THSD4: variants seen among roughly 807,000 people sequenced by gnomAD.
THSD4 encodes thrombospondin type 1 domain containing 4.
In THSD4, 69 loss-of-function variants were observed where a neutral mutation model predicts 119.0. The observed-to-expected ratio is 0.58, with a 90% CI of 0.48 to 0.71. The LOEUF is 0.71. THSD4 is among the 30% of genes least tolerant of loss of function. The probability of loss-of-function intolerance (pLI) is 0.00; values close to 1 mark genes in which losing one functional copy is unlikely to be tolerated. For missense variants in THSD4, 1,393 were observed against 1,391.1 expected (o/e 1.00, Z -0.02); for synonymous variants, 524 against 540.4 (o/e 0.97, Z 0.42).
At chr15:71,448,362 T>C (rs984212289) in intron 7 of THSD4, among the ~76,000 whole-genome samples, 1 of 152,206 alleles carries the variant, frequency 6.6e-6, no homozygotes, top group Non-Finnish European at 1.5e-5. Flanking sequence ...CAACCGGTCC[T>C]TATCTCAAGT....
chr15:71,522,393 G>T (rs1252984592), intron 7 of THSD4, among the ~76,000 whole-genome samples: 1 of 152,172 alleles, frequency 6.6e-6, no homozygotes, highest in Non-Finnish European at 1.5e-5. Context: ...TGCCTCCCCA[G>T]TCCAGGGCAT....
intron 7 of THSD4, among the ~76,000 whole-genome samples, chr15:71,436,795 G>T (rs966084470): frequency 3.3e-5 from 5 of 152,190 alleles, no homozygotes; most frequent in Non-Finnish European, 5.9e-5. Context: ...AAGGCAATTG[G>T]AGATGAGGGA....
intron 7 of THSD4, among the ~76,000 whole-genome samples, chr15:71,508,618 C>T (rs1373418571): frequency 2.0e-5 from 3 of 152,164 alleles, no homozygotes; most frequent in Non-Finnish European, 4.4e-5. Context: ...CTCAGTTCCT[C>T]ATCTGCAAAG....
intron 6 of THSD4, among the ~76,000 whole-genome samples, chr15:71,276,281 TG>T (rs1381541286): frequency 6.6e-6 from 1 of 152,258 alleles, no homozygotes; most frequent in African/African-American, 2.4e-5. Flanking sequence ...CAACATCCAG[TG>T]TACCTCTTCG....
chr15:71,316,858 A>T (rs1234392723), intron 6 of THSD4, among the ~76,000 whole-genome samples: 1 of 152,190 alleles, frequency 6.6e-6, no homozygotes, highest in East Asian at 1.9e-4. Context: ...GAAAATACCA[A>T]AGTATTATAC....
intron 7 of THSD4, among the ~76,000 whole-genome samples, chr15:71,475,282 C>T (rs760688906): frequency 4.6e-5 from 7 of 152,174 alleles, no homozygotes; most frequent in Non-Finnish European, 8.8e-5. Context: ...GGAATAAATT[C>T]CTTTAAATAG....
At chr15:71,297,025 T>C (rs2044871862) in intron 6 of THSD4, among the ~76,000 whole-genome samples, 1 of 152,232 alleles carries the variant, frequency 6.6e-6, no homozygotes, top group South Asian at 2.1e-4. Flanking sequence ...TCCATTATTA[T>C]ACATCTTTTC....
intron 8 of THSD4, among the ~76,000 whole-genome samples, chr15:71,672,177 A>C (rs1465477863): frequency 6.6e-6 from 1 of 152,162 alleles, no homozygotes; most frequent in South Asian, 2.1e-4. Context: ...AGTGGTTTGT[A>C]GTTCTTCTTG....
chr15:71,634,614 G>T (rs1380828166), intron 7 of THSD4, among the ~76,000 whole-genome samples: 2 of 152,332 alleles, frequency 1.3e-5, no homozygotes, highest in African/African-American at 4.8e-5. Flanking sequence ...TGAACAGAGA[G>T]CAGTGGCTGG....
chr15:71,336,778 C>G (rs2045494345), intron 6 of THSD4, among the ~76,000 whole-genome samples: 1 of 152,226 alleles, frequency 6.6e-6, no homozygotes, highest in African/African-American at 2.4e-5. Context: ...TAACCCCAAT[C>G]TAATTTTTCT....
At chr15:71,562,724 C>T (rs1408456526) in intron 7 of THSD4, among the ~76,000 whole-genome samples, 2 of 119,084 alleles carry the variant, frequency 1.7e-5, no homozygotes, top group African/African-American at 2.9e-5. Flanking sequence ...TTTTCTGAAA[C>T]GGAGTTTGGC....
intron 6 of THSD4, among the ~76,000 whole-genome samples, chr15:71,384,474 A>G (rs1444027939): frequency 6.6e-6 from 1 of 152,204 alleles, no homozygotes; most frequent in African/African-American, 2.4e-5. Context: ...ATCTGAAGGT[A>G]TACCTTTATA....
In THSD4 at chr15:71,215,322, C is replaced by T. The variant is rs2043923442; in HGVS notation, c.387C>T (p.Ala129=). 2 of 1,529,884 alleles carry T rather than the reference C, an allele frequency of 1.3e-6. No individual in the cohort carries two copies. The highest frequency in any genetic ancestry group is 1.2e-5 in the South Asian group (1 of 83,812). The allele number at this position is 1,529,884 out of a possible 1,614,324, so 94.8% of individuals were successfully genotyped here. The part of the protein sequence containing the change: ...DETPALAGTD[A]SRQGPTVLRG... ...CGCCAGCGCTGGCCGGTACGGACGCCAGCCGCCAGGGCCCCACGGTGCTGC... is the reference window on the plus strand; with the variant it reads ...CGCCAGCGCTGGCCGGTACGGACGCTAGCCGCCAGGGCCCCACGGTGCTGC... The change falls in exon 4 of 18, where the codon GCC becomes GCT. Residue 129 remains alanine (A), a synonymous_variant. Transcript: ENST00000261862.
At chr15:71,180,990 AG>A (rs2043517872) in intron 3 of THSD4, among the ~76,000 whole-genome samples, 1 of 152,232 alleles carries the variant, frequency 6.6e-6, no homozygotes, top group South Asian at 2.1e-4. Flanking sequence ...ATCAAATACC[AG>A]TACTGAAATG....
intron 7 of THSD4, among the ~76,000 whole-genome samples, chr15:71,603,651 T>G (rs1193465948): frequency 7.3e-6 from 1 of 137,060 alleles, no homozygotes; most frequent in Non-Finnish European, 1.6e-5. Flanking sequence ...GCCGATGGGA[T>G]TTTTGGTGCC....
intron 7 of THSD4, among the ~76,000 whole-genome samples, chr15:71,431,948 A>G (rs4267263): frequency 0.64 from 97,297 of 151,922 alleles, 31,519 homozygotes; most frequent in Middle Eastern, 0.77. Flanking sequence ...TCACAGAAAT[A>G]GGGTCATTCA....
intron 7 of THSD4, among the ~76,000 whole-genome samples, chr15:71,534,408 G>A (rs2048660137): frequency 6.6e-6 from 1 of 152,086 alleles, no homozygotes; most frequent in Non-Finnish European, 1.5e-5. Context: ...GTGTATCTTT[G>A]GTTACTATTA....
chr15:71,609,764 A>G (rs1026638303), intron 7 of THSD4, among the ~76,000 whole-genome samples: 3 of 149,990 alleles, frequency 2.0e-5, no homozygotes, highest in African/African-American at 4.9e-5. Context: ...AGGCAGGAGA[A>G]TGGCGTGAAC....
intron 7 of THSD4, among the ~76,000 whole-genome samples, chr15:71,650,727 C>T (rs932590056): frequency 2.8e-4 from 42 of 152,152 alleles, no homozygotes; most frequent in Non-Finnish European, 4.9e-4. Context: ...TTCCTGTTTA[C>T]AGGAGACTAT....
Sources: allele counts gnomAD v4.1 joint callset (sites outside exome capture counted in the v4.1 genomes callset), GRCh38; gene constraint gnomAD v4.1.1; transcripts MANE v1.5; gene names NCBI Gene and HGNC (gene_info 2026-07-23, HGNC 2026-07-21).